The following IGSF21 variants were observed in gnomAD, a reference collection of about 807,000 sequenced individuals.
IGSF21 encodes immunoglobulin superfamily member 21.
A neutral mutation model predicts 46.8 loss-of-function variants in IGSF21; 28 were observed. The observed-to-expected ratio is 0.60, with a 90% CI of 0.44 to 0.82. The LOEUF is 0.82. Ranked by LOEUF, IGSF21 falls within the 40% of genes least tolerant of loss-of-function variation. The pLI is 0.00. For missense variants in IGSF21, 624 were observed against 665.5 expected (o/e 0.94, Z 0.69); for synonymous variants, 284 against 273.6 (o/e 1.04, Z -0.38).
chr1:18,118,196 C>T (rs1023459523), intron 1 of IGSF21, among the ~76,000 whole-genome samples: 22 of 152,192 alleles, frequency 1.4e-4, no homozygotes, highest in Admixed American at 7.9e-4. Context: ...TCTACAGAGG[C>T]GCTCAGCGCT....
intron 1 of IGSF21, among the ~76,000 whole-genome samples, chr1:18,199,339 C>T (rs887346357): frequency 4.6e-5 from 7 of 152,194 alleles, no homozygotes; most frequent in African/African-American, 1.7e-4. Flanking sequence ...CTAGAACTCA[C>T]CTCTCATGGT....
chr1:18,377,825 C>T (rs2086300207), intron 9 of IGSF21, among the ~76,000 whole-genome samples: 1 of 152,182 alleles, frequency 6.6e-6, no homozygotes, highest in Non-Finnish European at 1.5e-5. Flanking sequence ...TCTGAGACTC[C>T]AGACCACTCC....
intron 2 of IGSF21, among the ~76,000 whole-genome samples, chr1:18,262,899 A>G (rs886691394): frequency 1.3e-5 from 2 of 152,156 alleles, no homozygotes; most frequent in Non-Finnish European, 2.9e-5. Flanking sequence ...GGCAACTGCA[A>G]CTGCACACTG....
chr1:18,240,170 A>C (rs1016757079), intron 2 of IGSF21, among the ~76,000 whole-genome samples: 2 of 152,148 alleles, frequency 1.3e-5, no homozygotes, highest in Non-Finnish European at 2.9e-5. Context: ...AGTCCCAGCT[A>C]CTCAAGAGGC....
Position 18,365,092 on chromosome 1 carries a change from G to A in IGSF21, c.541-131G>A, listed in dbSNP as rs2086146433. On this transcript the variant is annotated intron_variant, in intron 5 of 9. Transcript: ENST00000251296. The surrounding 1 kb of genome is among the most constrained non-coding windows in gnomAD (Gnocchi z 4.8). ...GGGGTGTTGAAGGGAAAAGAGTGGG[G>A]TGAGGGCTACTGTCTAGACTACTAT... The A allele has an allele frequency of 1.5e-6, 1 of 685,530 alleles. No individual in the cohort carries two copies. Among genetic ancestry groups the A allele is most frequent in the East Asian group, 2.6e-5 (1 of 38,796 alleles). The allele number at this position is 685,530 out of a possible 1,614,324, so 42.5% of individuals were successfully genotyped here. A position where few individuals can be genotyped will look rare whatever the true frequency, so the allele number is the denominator to read the frequency against.
intron 1 of IGSF21, among the ~76,000 whole-genome samples, chr1:18,185,757 A>G (rs539711231): frequency 2.0e-5 from 3 of 152,304 alleles, no homozygotes; most frequent in African/African-American, 7.2e-5. Flanking sequence ...CACCTATGTC[A>G]TAGGGTTGCT....
Position 18,376,088 on chromosome 1 carries a change from G to A in IGSF21, c.1016-222G>A, listed in dbSNP as rs533220153. 16 of 503,452 alleles carry A rather than the reference G, an allele frequency of 3.2e-5. 1 individual carries two copies. The South Asian group carries it at 3.2e-4, about 10-fold the overall frequency. The allele number at this position is 503,452 out of a possible 1,614,324, so 31.2% of individuals were successfully genotyped here. On this transcript the variant is annotated intron_variant, in intron 6 of 9. Transcript: ENST00000251296. ...GGAATCATGTCCTATATACACCCTTGACTCCCCAGGTCCTAGAGAGCATCT... is the reference window on the plus strand; with the variant it reads ...GGAATCATGTCCTATATACACCCTTAACTCCCCAGGTCCTAGAGAGCATCT...
chr1:18,281,329 T>G (rs1369081087), intron 2 of IGSF21, among the ~76,000 whole-genome samples: 15 of 151,718 alleles, frequency 9.9e-5, no homozygotes, highest in Admixed American at 9.9e-4. Context: ...GGAGGCGAGG[T>G]GGGTGCATCA....
rs1405200443 is a variant in IGSF21, at chr1:18,290,910, G to T, written c.184-956G>T. ...CCACTTCTCTAGGCCCAGGCATGAG[G>T]CCTCCCCATTGCAGGCTGTTAGCGC... On this transcript the variant is annotated intron_variant, in intron 2 of 9. Coordinates refer to ENST00000251296, the MANE Select transcript of IGSF21 (RefSeq NM_032880.5). The surrounding 1 kb of genome is among the most constrained non-coding windows in gnomAD (Gnocchi z 4.2). Among the ~76,000 whole-genome samples, 1 of 152,054 alleles carries T rather than the reference G, an allele frequency of 6.6e-6. No homozygotes were observed. The highest frequency in any genetic ancestry group is 2.4e-5 in the African/African-American group (1 of 41,404).
intron 2 of IGSF21, among the ~76,000 whole-genome samples, chr1:18,252,358 CT>C (rs2084851587): frequency 6.6e-6 from 1 of 152,244 alleles, no homozygotes; most frequent in East Asian, 1.9e-4. Flanking sequence ...CTGACCAAGG[CT>C]TTTTTAAAGA....
At chr1:18,267,665 C>G (rs2085002820) in intron 2 of IGSF21, among the ~76,000 whole-genome samples, 1 of 152,222 alleles carries the variant, frequency 6.6e-6, no homozygotes, top group Admixed American at 6.5e-5. Context: ...TTCCCAGACA[C>G]TGAGCTCTCA....
At chr1:18,225,410 C>T (rs1195365811) in intron 1 of IGSF21, among the ~76,000 whole-genome samples, 3 of 152,140 alleles carry the variant, frequency 2.0e-5, no homozygotes, top group African/African-American at 7.2e-5. Context: ...CTCCCCGCCA[C>T]CGCCACACTT....
At chr1:18,320,629 G>A (rs1042106494) in intron 3 of IGSF21, among the ~76,000 whole-genome samples, 68 of 152,266 alleles carry the variant, frequency 4.5e-4, no homozygotes, top group African/African-American at 8.4e-4. Context: ...TGGAGTCATC[G>A]GTCCTGCTCT....
intron 2 of IGSF21, among the ~76,000 whole-genome samples, chr1:18,271,225 T>A (rs559029064): frequency 9.2e-5 from 14 of 152,064 alleles, no homozygotes; most frequent in African/African-American, 3.4e-4. Context: ...CATCTCTGAG[T>A]GCCTCTGACA....
At chr1:18,125,980 G>T (rs905511322) in intron 1 of IGSF21, among the ~76,000 whole-genome samples, 1 of 152,206 alleles carries the variant, frequency 6.6e-6, no homozygotes, top group Admixed American at 6.5e-5. Context: ...AGTTAGTAGT[G>T]ACCAGGGGAG....
chr1:18,270,124 G>A (rs2085028807), intron 2 of IGSF21, among the ~76,000 whole-genome samples: 1 of 152,122 alleles, frequency 6.6e-6, no homozygotes, highest in Non-Finnish European at 1.5e-5. Context: ...TAGCTGTTTT[G>A]CTCCCCATTC....
intron 1 of IGSF21, among the ~76,000 whole-genome samples, chr1:18,210,473 T>C (rs1376108172): frequency 6.6e-6 from 1 of 152,240 alleles, no homozygotes; most frequent in African/African-American, 2.4e-5. Flanking sequence ...GCATAGCTAG[T>C]GTGGGGTAAC....
At chr1:18,123,990 CT>C (rs1341359679) in intron 1 of IGSF21, among the ~76,000 whole-genome samples, 2 of 152,242 alleles carry the variant, frequency 1.3e-5, no homozygotes, top group Non-Finnish European at 2.9e-5. Flanking sequence ...GAAAATGCCA[CT>C]GGTGCTGTTT....
intron 4 of IGSF21, among the ~76,000 whole-genome samples, chr1:18,360,211 G>A (rs1021211011): frequency 3.9e-5 from 6 of 152,160 alleles, no homozygotes; most frequent in South Asian, 4.1e-4. Context: ...GGTAATTGAC[G>A]TGTTCTGCTG....
Sources: allele counts gnomAD v4.1 joint callset (sites outside exome capture counted in the v4.1 genomes callset), GRCh38; gene constraint gnomAD v4.1.1; non-coding constraint Gnocchi (gnomAD v3.1); transcripts MANE v1.5; gene names NCBI Gene and HGNC (gene_info 2026-07-23, HGNC 2026-07-21).